Variants in SORCS2 observed in about 807,000 individuals in gnomAD.
SORCS2 encodes sortilin related VPS10 domain containing receptor 2.
SORCS2 carries 100 observed loss-of-function variants against 141.6 expected under a neutral mutation model. The ratio of observed to expected loss-of-function variants is 0.71; its 90% CI spans 0.60 to 0.83. The LOEUF is 0.83. Among genes scored for constraint, SORCS2 ranks in the 40% least tolerant of loss-of-function variants. The pLI, the probability that SORCS2 is intolerant of heterozygous loss-of-function variation, is 0.00. For missense variants in SORCS2, 1,646 were observed against 1,560.2 expected (o/e 1.05, Z -0.93); for synonymous variants, 789 against 676.9 (o/e 1.17, Z -2.57).
chr4:7,415,718 C>G (rs1298892879), intron 2 of SORCS2, among the ~76,000 whole-genome samples: 2 of 152,248 alleles, frequency 1.3e-5, no homozygotes, highest in Non-Finnish European at 2.9e-5. Context: ...GAAGGCCTTG[C>G]TGGGGCACCA....
intron 3 of SORCS2, among the ~76,000 whole-genome samples, chr4:7,618,281 GC>G (rs1327537102): frequency 6.6e-6 from 1 of 151,986 alleles, no homozygotes; most frequent in Admixed American, 6.6e-5. Context: ...GGTCTGTGCT[GC>G]ACAGTGAGTT....
intron 1 of SORCS2, among the ~76,000 whole-genome samples, chr4:7,270,646 TA>T (rs1304917585): frequency 6.6e-6 from 1 of 152,278 alleles, no homozygotes; most frequent in African/African-American, 2.4e-5. Context: ...GCCTTTCCAC[TA>T]AAAAAAGATC....
intron 10 of SORCS2, among the ~76,000 whole-genome samples, chr4:7,688,817 C>A (rs948658227): frequency 1.3e-5 from 2 of 152,176 alleles, no homozygotes; most frequent in Non-Finnish European, 2.9e-5. Flanking sequence ...GCTCGGCCAG[C>A]CAGACCTCTG....
intron 2 of SORCS2, among the ~76,000 whole-genome samples, chr4:7,471,837 C>T (rs1378451775): frequency 6.6e-6 from 1 of 152,250 alleles, no homozygotes; most frequent in African/African-American, 2.4e-5. Context: ...CGGAGTCACC[C>T]ACAGTGGGGC....
intron 1 of SORCS2, among the ~76,000 whole-genome samples, chr4:7,235,260 C>T (rs1712186014): frequency 6.6e-6 from 1 of 152,222 alleles, no homozygotes; most frequent in Admixed American, 6.5e-5. Context: ...CTTCTGCTGC[C>T]CGCGCCAGGC....
intron 16 of SORCS2, 27 bp downstream of exon 16, chr4:7,714,400 GC>G (rs1283740828): frequency 6.5e-7 from 1 of 1,543,860 alleles, no homozygotes; most frequent in South Asian, 1.2e-5. Context: ...TGGCCACGAG[GC>G]CTCAGGCGCT....
chr4:7,729,897 C>T (rs1711538019), intron 23 of SORCS2, among the ~76,000 whole-genome samples, 185 bp downstream of exon 23: 1 of 152,144 alleles, frequency 6.6e-6, no homozygotes, highest in South Asian at 2.1e-4. Context: ...AGTCACACAG[C>T]CTCTAAGGTC....
chr4:7,732,606 T>G (rs1213022256), intron 23 of SORCS2, among the ~76,000 whole-genome samples: 5 of 152,004 alleles, frequency 3.3e-5, no homozygotes, highest in Non-Finnish European at 7.4e-5. Flanking sequence ...GGGGTCTGAT[T>G]CTCCTGTCCT....
At chr4:7,737,665 G>T (rs1053330573) in intron 26 of SORCS2, among the ~76,000 whole-genome samples, 2 of 152,176 alleles carry the variant, frequency 1.3e-5, no homozygotes, top group African/African-American at 2.4e-5. Context: ...GATCCCCTTC[G>T]CTCCTGGTCA....
intron 12 of SORCS2, among the ~76,000 whole-genome samples, chr4:7,698,308 CG>C (rs1724839101): frequency 6.6e-6 from 1 of 152,242 alleles, no homozygotes; most frequent in Non-Finnish European, 1.5e-5. Flanking sequence ...ACCCCAGCCA[CG>C]GCCCCCCTCC....
At chr4:7,624,314 G>A (rs549670496) in intron 3 of SORCS2, among the ~76,000 whole-genome samples, 10 of 152,296 alleles carry the variant, frequency 6.6e-5, no homozygotes, top group African/African-American at 2.4e-4. Flanking sequence ...AATACAAATG[G>A]TCCCTAAATG....
intron 1 of SORCS2, among the ~76,000 whole-genome samples, chr4:7,241,700 C>T (rs767264190): frequency 1.3e-5 from 2 of 152,226 alleles, no homozygotes. Context: ...ATTCCGTAGT[C>T]TCTCCCTGGT....
intron 1 of SORCS2, among the ~76,000 whole-genome samples, chr4:7,264,384 CA>C (rs543440124): frequency 7.0e-4 from 107 of 152,296 alleles, no homozygotes; most frequent in African/African-American, 2.6e-3. Flanking sequence ...TGTCCAGGGG[CA>C]TGGGATGAGT....
chr4:7,599,412 G>A (rs531328101), intron 3 of SORCS2, among the ~76,000 whole-genome samples: 41 of 152,328 alleles, frequency 2.7e-4, no homozygotes, highest in African/African-American at 9.9e-4. Context: ...GGTGTGCTCC[G>A]TGCAGATGTT....
chr4:7,666,945 G>A (rs552898094), intron 7 of SORCS2, among the ~76,000 whole-genome samples, 179 bp from the exon 8 acceptor site: 37 of 152,182 alleles, frequency 2.4e-4, no homozygotes, highest in African/African-American at 8.7e-4. Context: ...CCCAGAGGAG[G>A]GGTGTTAATT....
At chr4:7,247,680 C>G (rs1473984410) in intron 1 of SORCS2, among the ~76,000 whole-genome samples, 2 of 152,176 alleles carry the variant, frequency 1.3e-5, no homozygotes, top group Admixed American at 6.5e-5. Flanking sequence ...TACGAGAGTG[C>G]TGGAGGTGGG....
chr4:7,570,242 A>G (rs578030092), intron 3 of SORCS2, among the ~76,000 whole-genome samples: 1 of 152,354 alleles, frequency 6.6e-6, no homozygotes, highest in Non-Finnish European at 1.5e-5. Flanking sequence ...TTATAGGCCC[A>G]TAAAGCAGAG....
chr4:7,600,340 G>A (rs1366903447), intron 3 of SORCS2, among the ~76,000 whole-genome samples: 2 of 152,138 alleles, frequency 1.3e-5, no homozygotes, highest in African/African-American at 4.8e-5. Flanking sequence ...TACAGTACGA[G>A]GAACCCCCAC....
chr4:7,623,110 G>A (rs1719310426), intron 3 of SORCS2, among the ~76,000 whole-genome samples: 1 of 152,092 alleles, frequency 6.6e-6, no homozygotes, highest in African/African-American at 2.4e-5. Context: ...CTGGCAGCCA[G>A]TGGTGCCCAG....
Sources: gnomAD v4.1 joint callset for allele counts (sites outside exome capture counted in the v4.1 genomes callset) on GRCh38, gnomAD v4.1.1 for gene constraint, MANE v1.5 for transcripts, NCBI Gene and HGNC (gene_info 2026-07-23, HGNC 2026-07-21) for gene names.